The following SUMF1 variants were observed in gnomAD, a reference collection of about 807,000 sequenced individuals.
The protein encoded by SUMF1 is formylglycine-generating enzyme.
A neutral mutation model predicts 47.6 loss-of-function variants in SUMF1; 48 were observed. The observed-to-expected ratio is 1.01, with a 90% CI of 0.80 to 1.28. The LOEUF (loss-of-function observed/expected upper bound fraction) is 1.28, where lower values mean the gene tolerates loss of function less well. Among genes scored for constraint, SUMF1 ranks in the 50% most tolerant of loss-of-function variants. The pLI is 0.00. For missense variants in SUMF1, 571 were observed against 485.4 expected (o/e 1.18, Z -1.66); for synonymous variants, 230 against 192.1 (o/e 1.20, Z -1.63).
intron 8 of SUMF1, among the ~76,000 whole-genome samples, chr3:4,082,558 TTTACTC>T (rs1289600532): frequency 1.3e-5 from 2 of 152,070 alleles, no homozygotes; most frequent in African/African-American, 2.4e-5. Flanking sequence ...TTCCAACAGA[TTTACTC>T]TGGCAACAAC....
intron 8 of SUMF1, among the ~76,000 whole-genome samples, chr3:4,075,650 T>C (rs548459349): frequency 6.6e-5 from 10 of 152,218 alleles, no homozygotes; most frequent in Admixed American, 2.0e-4. Context: ...AGTCTCAGGA[T>C]ACAAAATCAA....
At chr3:4,050,778 GAAAAGAAAAAGA>G (rs1167060855) in intron 9 of SUMF1, among the ~76,000 whole-genome samples, 83 of 145,008 alleles carry the variant, frequency 5.7e-4, no homozygotes, top group East Asian at 9.9e-4. Context: ...AAAGAAAAAA[GAAAAGAAAAAGA>G]AAAAGAAAAA....
chr3:4,446,674 T>C (rs778214876), intron 3 of SUMF1, among the ~76,000 whole-genome samples: 3 of 151,474 alleles, frequency 2.0e-5, no homozygotes, highest in Non-Finnish European at 4.4e-5. Context: ...AACCTGAGTC[T>C]GATCACACCT....
chr3:4,192,328 C>G (rs1431225690), intron 8 of SUMF1, among the ~76,000 whole-genome samples: 1 of 152,150 alleles, frequency 6.6e-6, no homozygotes, highest in Non-Finnish European at 1.5e-5. Flanking sequence ...CTTCCCTTCT[C>G]TTGGCCTATT....
intron 1 of SUMF1, among the ~76,000 whole-genome samples, chr3:4,459,025 A>G (rs1369091770): frequency 2.0e-5 from 3 of 152,208 alleles, no homozygotes; most frequent in Non-Finnish European, 2.9e-5. Flanking sequence ...GGTGGTTATC[A>G]GAGGCTGGGG....
intron 9 of SUMF1, among the ~76,000 whole-genome samples, chr3:4,049,437 C>A (rs1189505363): frequency 6.6e-6 from 1 of 152,156 alleles, no homozygotes; most frequent in East Asian, 1.9e-4. Context: ...ACCACCACCA[C>A]AACAGACTGC....
chr3:4,163,821 T>C (rs1444949786), intron 8 of SUMF1, among the ~76,000 whole-genome samples: 1 of 152,116 alleles, frequency 6.6e-6, no homozygotes, highest in Non-Finnish European at 1.5e-5. Context: ...ACATCAGTCT[T>C]CTAATAGACA....
rs190764404 is a variant in SUMF1 at position 4,073,747 on chromosome 3, A to T, written c.1015-5002T>A. ...AAGATCAAGAGAGACTAAGAAGGCC[A>T]TTATATAATGGTAAAGGGATCAATT... On this transcript the variant is annotated intron_variant and NMD_transcript_variant, in intron 8 of 12. Coordinates refer to the SUMF1 transcript ENST00000448413. Among the ~76,000 whole-genome samples, 15 of 152,334 alleles carry T rather than the reference A, an allele frequency of 9.8e-5. No individual in the cohort carries two copies. The East Asian group carries it at 2.9e-3, about 29-fold the overall frequency.
chr3:4,183,967 T>A (rs1423343685), intron 8 of SUMF1, among the ~76,000 whole-genome samples: 2 of 151,082 alleles, frequency 1.3e-5, no homozygotes, highest in African/African-American at 2.4e-5. Context: ...CGTCTCTACT[T>A]TAAAAAAATA....
intron 8 of SUMF1, among the ~76,000 whole-genome samples, chr3:4,169,913 G>A (rs1023559437): frequency 1.3e-5 from 2 of 152,158 alleles, no homozygotes; most frequent in African/African-American, 4.8e-5. Flanking sequence ...TTCCTTGAGA[G>A]GTTTTTAACT....
At position 4,434,008 on chromosome 3, in the gene SUMF1, G is replaced by A. The variant is rs140435918; in HGVS notation, c.520-13862C>T. On this transcript the variant is annotated intron_variant, in intron 3 of 8. Coordinates refer to ENST00000272902, the MANE Select transcript of SUMF1 (RefSeq NM_182760.4). ...ATACTACAACATGGATGAACCTTGA[G>A]GACGTGATGCTGAGTGAAGTAAGTC... is the stretch of plus-strand genomic sequence containing the variant. Among the ~76,000 whole-genome samples, 6 of 152,332 alleles carry A rather than the reference G, an allele frequency of 3.9e-5. No homozygotes were observed. In the East Asian group the frequency reaches 1.2e-3, roughly 29 times the overall value.
intron 8 of SUMF1, among the ~76,000 whole-genome samples, chr3:4,156,713 G>A (rs1000626838): frequency 6.6e-6 from 1 of 151,650 alleles, no homozygotes; most frequent in East Asian, 1.9e-4. Flanking sequence ...CTGGAGTAAG[G>A]AAATTTAATA....
intron 8 of SUMF1, among the ~76,000 whole-genome samples, chr3:4,349,123 A>G (rs75623601): frequency 6.6e-6 from 1 of 152,242 alleles, no homozygotes; most frequent in Non-Finnish European, 1.5e-5. Flanking sequence ...TCTAATATCT[A>G]GAATTTACAA....
Position 4,376,339 on chromosome 3 carries a change from C to A in SUMF1, c.1005G>T (p.Met335Ile), listed in dbSNP as rs1377585369. Residue 335 changes from methionine to isoleucine, a missense_variant, in exon 8 of 9, where the codon ATG becomes ATT. Transcript: ENST00000272902. The stretch of plus-strand genomic sequence containing the variant: ...TAGTGACATGACTTACCCTATGGCA[C>A]ATGTAGGATCCACCTTTCTTCACTC... ...KDRVKKGGSYMCHRSYCYRYR... is the reference protein window; with the variant it reads ...KDRVKKGGSYICHRSYCYRYR... The A allele has an allele frequency of 6.8e-6, 11 of 1,614,042 alleles. No homozygotes were observed. Among genetic ancestry groups the A allele is most frequent in the Non-Finnish European group, 8.5e-6 (10 of 1,180,000 alleles).
intron 8 of SUMF1, among the ~76,000 whole-genome samples, chr3:4,265,325 A>G (rs1021318566): frequency 2.0e-5 from 3 of 152,104 alleles, no homozygotes; most frequent in Non-Finnish European, 4.4e-5. Flanking sequence ...AGAGATCACA[A>G]ACTTGTAGTC....
intron 8 of SUMF1, among the ~76,000 whole-genome samples, chr3:4,210,613 A>C (rs1346189408): frequency 6.6e-6 from 1 of 151,996 alleles, no homozygotes; most frequent in East Asian, 1.9e-4. Flanking sequence ...AATGCACAAA[A>C]ATTTTTTTTT....
chr3:4,161,747 A>C (rs184837733), intron 8 of SUMF1, among the ~76,000 whole-genome samples: 1 of 152,216 alleles, frequency 6.6e-6, no homozygotes, highest in African/African-American at 2.4e-5. Context: ...TCTAAGAGCC[A>C]AGACCTAGAA....
intron 8 of SUMF1, among the ~76,000 whole-genome samples, chr3:4,261,699 AT>A (rs1697089943): frequency 6.6e-6 from 1 of 152,180 alleles, no homozygotes; most frequent in Non-Finnish European, 1.5e-5. Context: ...AGGACATCAG[AT>A]CTCAAGCCTG....
intron 8 of SUMF1, among the ~76,000 whole-genome samples, chr3:4,337,936 A>G (rs1262799319): frequency 6.6e-6 from 1 of 152,102 alleles, no homozygotes; most frequent in African/African-American, 2.4e-5. Context: ...AGACATCCTC[A>G]ACTTTTTCAA....
Sources: gnomAD v4.1 joint callset for allele counts (sites outside exome capture counted in the v4.1 genomes callset) on GRCh38, gnomAD v4.1.1 for gene constraint, MANE v1.5 for transcripts, NCBI Gene and HGNC (gene_info 2026-07-23, HGNC 2026-07-21) for gene names.